Variants in NTM observed in about 807,000 individuals in gnomAD.
NTM encodes the protein neurotrimin.
A neutral mutation model predicts 42.1 loss-of-function variants in NTM; 13 were observed. The ratio of observed to expected loss-of-function variants is 0.31; its 90% CI spans 0.20 to 0.49. NTM has a LOEUF of 0.49. Ranked by LOEUF, NTM falls within the 20% of genes least tolerant of loss-of-function variation. The pLI is 0.99. For synonymous variants in NTM, 187 were observed against 179.2 expected (o/e 1.04, Z -0.35); for missense variants, 373 against 452.8 (o/e 0.82, Z 1.60).
chr11:131,496,054 C>T (rs935181356), intron 1 of NTM, among the ~76,000 whole-genome samples: 1 of 152,222 alleles, frequency 6.6e-6, no homozygotes, highest in African/African-American at 2.4e-5. Flanking sequence ...GGAAAGATGA[C>T]TTCTGTGGAA....
intron 2 of NTM, among the ~76,000 whole-genome samples, chr11:132,064,476 G>C (rs535141652): frequency 1.3e-5 from 2 of 152,110 alleles, no homozygotes; most frequent in Admixed American, 1.3e-4. Context: ...TTATCCAAAA[G>C]GTACAAGAGT....
chr11:131,652,182 A>G (rs1394147061), intron 1 of NTM, among the ~76,000 whole-genome samples: 3 of 152,336 alleles, frequency 2.0e-5, no homozygotes, highest in East Asian at 1.9e-4. Context: ...GATTGGCCCC[A>G]TAAGGCTTCT....
At chr11:131,793,698 C>A (rs2091226585) in intron 1 of NTM, among the ~76,000 whole-genome samples, 1 of 152,124 alleles carries the variant, frequency 6.6e-6, no homozygotes, top group Non-Finnish European at 1.5e-5. Flanking sequence ...GTCACGCTTC[C>A]CACCTCCCAC....
At chr11:132,108,589 C>T (rs962203871) in intron 2 of NTM, among the ~76,000 whole-genome samples, 4 of 151,962 alleles carry the variant, frequency 2.6e-5, no homozygotes, top group Non-Finnish European at 4.4e-5. Flanking sequence ...GTACACTGTT[C>T]GGGTGATTGG....
chr11:131,904,666 C>A (rs186314091), intron 1 of NTM, among the ~76,000 whole-genome samples: 1 of 152,226 alleles, frequency 6.6e-6, no homozygotes, highest in Non-Finnish European at 1.5e-5. Context: ...GGAGGTCAGA[C>A]ATTGTGGCTC....
chr11:131,630,340 C>G (rs375673293), intron 1 of NTM, among the ~76,000 whole-genome samples: 27 of 152,250 alleles, frequency 1.8e-4, no homozygotes, highest in East Asian at 1.7e-3. Flanking sequence ...CAAGCCGTAA[C>G]TTAATCTCTT....
At chr11:131,401,832 A>ATATATATATATATGTGTG (rs1945240359) in intron 1 of NTM, among the ~76,000 whole-genome samples, 1 of 82,252 alleles carries the variant, frequency 1.2e-5, no homozygotes, top group African/African-American at 4.7e-5. Context: ...ATATATATAT[A>ATATATATATATATGTGTG]TATATATATA....
At chr11:131,997,795 GCCCAGA>G (rs1176312746) in intron 2 of NTM, among the ~76,000 whole-genome samples, 1 of 152,096 alleles carries the variant, frequency 6.6e-6, no homozygotes. Context: ...GGTGGCATTT[GCCCAGA>G]CCCTGTTAGC....
At chr11:132,242,854 G>C (rs769123998) in intron 4 of NTM, among the ~76,000 whole-genome samples, 1 of 152,202 alleles carries the variant, frequency 6.6e-6, no homozygotes, top group East Asian at 1.9e-4. Flanking sequence ...CAGAAATCGA[G>C]CTCCAGCTCA....
chr11:132,063,403 C>A (rs1263856501), intron 2 of NTM, among the ~76,000 whole-genome samples: 1 of 152,124 alleles, frequency 6.6e-6, no homozygotes, highest in Non-Finnish European at 1.5e-5. Context: ...TCCCACAAAG[C>A]TGGAAATGGG....
intron 1 of NTM, among the ~76,000 whole-genome samples, chr11:131,653,686 G>A (rs1466530254): frequency 3.3e-5 from 5 of 152,302 alleles, no homozygotes; most frequent in South Asian, 2.1e-4. Context: ...GCACCCCTGC[G>A]TGTGGGGTCC....
intron 2 of NTM, among the ~76,000 whole-genome samples, chr11:131,983,957 A>T (rs1160517418): frequency 6.6e-6 from 1 of 152,228 alleles, no homozygotes; most frequent in African/African-American, 2.4e-5. Flanking sequence ...GGTATATATC[A>T]CTTTTTCACA....
chr11:131,761,985 A>G (rs1373242473), intron 1 of NTM, among the ~76,000 whole-genome samples: 1 of 152,204 alleles, frequency 6.6e-6, no homozygotes, highest in Non-Finnish European at 1.5e-5. Flanking sequence ...CCCTGATCAG[A>G]GCCCAGCCAT....
At chr11:131,520,417 C>A (rs544032727) in intron 1 of NTM, among the ~76,000 whole-genome samples, 3 of 152,168 alleles carry the variant, frequency 2.0e-5, no homozygotes, top group East Asian at 3.9e-4. Flanking sequence ...GGTCTTGGAA[C>A]CAGGAGTCCA....
Position 132,238,306 on chromosome 11 carries a change from G to A in NTM, c.526+26159G>A, listed in dbSNP as rs145753938. Among the ~76,000 whole-genome samples the A allele has an allele frequency of 5.6e-3, 845 of 152,236 alleles. 5 individuals are homozygous for A. The highest frequency in any genetic ancestry group is 0.017 in the African/African-American group (713 of 41,544). On this transcript the variant is annotated intron_variant, in intron 4 of 8. Transcript: ENST00000683400. ...GGAGGATTGTGGAGTGAGGGACCAA[G>A]GGAGGCAGGAGAAGGAAGCAGGCAG...
At chr11:131,456,772 C>A (rs1438709914) in intron 1 of NTM, among the ~76,000 whole-genome samples, 1 of 152,332 alleles carries the variant, frequency 6.6e-6, no homozygotes, top group East Asian at 1.9e-4. Flanking sequence ...ATGACACTAG[C>A]ATGTTCCTTT....
At chr11:131,912,419 GAGA>G (rs1029858685) in intron 2 of NTM, among the ~76,000 whole-genome samples, 10 of 148,226 alleles carry the variant, frequency 6.7e-5, no homozygotes, top group Admixed American at 2.7e-4. Flanking sequence ...ACTGGGGGAG[GAGA>G]AGAAGAAGAA....
intron 1 of NTM, among the ~76,000 whole-genome samples, chr11:131,562,290 G>A (rs2056336204): frequency 6.6e-6 from 1 of 152,172 alleles, no homozygotes; most frequent in Non-Finnish European, 1.5e-5. Flanking sequence ...TCATCTTGCA[G>A]CAGATAAACT....
intron 1 of NTM, among the ~76,000 whole-genome samples, chr11:131,407,596 A>G (rs1945936175): frequency 6.6e-6 from 1 of 152,158 alleles, no homozygotes; most frequent in Non-Finnish European, 1.5e-5. Context: ...GTGGGGACAA[A>G]AGGCTTCCAG....
Sources: allele counts gnomAD v4.1 joint callset (sites outside exome capture counted in the v4.1 genomes callset), GRCh38; gene constraint gnomAD v4.1.1; transcripts MANE v1.5; gene names NCBI Gene and HGNC (gene_info 2026-07-23, HGNC 2026-07-21).